The following ADAM18 variants were observed in gnomAD, a reference collection of about 807,000 sequenced individuals.
ADAM18 encodes disintegrin and metalloproteinase domain-containing protein 18.
A neutral mutation model predicts 94.4 loss-of-function variants in ADAM18; 117 were observed. The observed-to-expected ratio is 1.24, with a 90% CI of 1.07 to 1.45. The LOEUF (loss-of-function observed/expected upper bound fraction) is 1.45, where lower values mean the gene tolerates loss of function less well. ADAM18 is among the 40% of genes most tolerant of loss of function. ADAM18 has a pLI of 0.00. For synonymous variants in ADAM18, 327 were observed against 291.6 expected (o/e 1.12, Z -1.24); for missense variants, 936 against 880.0 (o/e 1.06, Z -0.81).
Position 39,663,812 on chromosome 8 carries a change from G to A in ADAM18, c.1248G>A (p.Lys416=), listed in dbSNP as rs1164131147. 1.2e-6 allele frequency: 2 copies of A among 1,611,754 alleles called. No homozygotes were observed. Among genetic ancestry groups the A allele is most frequent in the African/African-American group, 1.3e-5 (1 of 74,912 alleles). ...CGNKNECQFK[K]CCDYNTCKLK... ...AATTTTAGGAATGTCAATTTAAGAA[G>A]TGCTGTGATTATAACACATGTAAAC... The change falls in exon 13 of 20, where the codon AAG becomes AAA. Residue 416 remains lysine (K), a synonymous_variant. Transcript: ENST00000265707.
chr8:39,586,468 C>A (rs1228579143), intron 2 of ADAM18, among the ~76,000 whole-genome samples: 1 of 152,150 alleles, frequency 6.6e-6, no homozygotes, highest in Non-Finnish European at 1.5e-5. Flanking sequence ...TTTCTGCCAA[C>A]ACAATCCCAT....
At chr8:39,616,087 AT>A (rs1171486913) in intron 6 of ADAM18, among the ~76,000 whole-genome samples, 1 of 152,292 alleles carries the variant, frequency 6.6e-6, no homozygotes, top group Non-Finnish European at 1.5e-5. Context: ...TTTTATGCCC[AT>A]GGTTAGGAAG....
intron 16 of ADAM18, among the ~76,000 whole-genome samples, chr8:39,684,714 C>T (rs2129580665): frequency 6.6e-6 from 1 of 152,268 alleles, no homozygotes; most frequent in Non-Finnish European, 1.5e-5. Flanking sequence ...AGAGAAGAGA[C>T]CACTTCTTAT....
intron 2 of ADAM18, among the ~76,000 whole-genome samples, chr8:39,590,470 G>GATCT (rs1298315200): frequency 6.6e-6 from 1 of 152,192 alleles, no homozygotes; most frequent in Non-Finnish European, 1.5e-5. Context: ...AGCATTGGGA[G>GATCT]ATCTACCTAA....
At chr8:39,698,997 G>A (rs1821996049) in intron 17 of ADAM18, among the ~76,000 whole-genome samples, 1 of 152,018 alleles carries the variant, frequency 6.6e-6, no homozygotes, top group Non-Finnish European at 1.5e-5. Context: ...GATAATGGCT[G>A]TATGATCTAG....
chr8:39,710,246 T>C (rs1822358047), intron 18 of ADAM18, among the ~76,000 whole-genome samples: 2 of 152,236 alleles, frequency 1.3e-5, no homozygotes, highest in Admixed American at 6.5e-5. Context: ...AGAATAATTC[T>C]AGAAAATTGT....
intron 14 of ADAM18, 109 bp downstream of exon 14, chr8:39,668,305 AT>A (rs1428915377): frequency 1.9e-6 from 2 of 1,078,974 alleles, no homozygotes; most frequent in African/African-American, 3.2e-5. Flanking sequence ...CACAAGATTA[AT>A]AAAAATTAAA....
intron 17 of ADAM18, 62 bp from the exon 18 acceptor site, chr8:39,706,728 G>T (rs1388839033): frequency 6.3e-6 from 5 of 788,784 alleles, no homozygotes; most frequent in African/African-American, 3.5e-5. Flanking sequence ...CAGATACAAA[G>T]ACCTTGTATC....
chr8:39,620,295 T>C (rs554585936), intron 6 of ADAM18, among the ~76,000 whole-genome samples: 27 of 139,824 alleles, frequency 1.9e-4, no homozygotes, highest in Non-Finnish European at 2.7e-4. Flanking sequence ...CGAAACACTA[T>C]ATGACATAGG....
chr8:39,638,357 TA>T, intron 9 of ADAM18, 107 bp from the exon 10 acceptor site: 1 of 624,048 alleles, frequency 1.6e-6, no homozygotes, highest in Non-Finnish European at 2.7e-6. Context: ...AAGCTTTATA[TA>T]TTTGCAAAGT....
At chr8:39,601,750 C>G (rs771947963) in intron 2 of ADAM18, among the ~76,000 whole-genome samples, 1 of 152,172 alleles carries the variant, frequency 6.6e-6, no homozygotes, top group Non-Finnish European at 1.5e-5. Flanking sequence ...ATTAAATTCA[C>G]ACTGTTATGC....
In ADAM18 at chr8:39,638,538, AT is replaced by A; in HGVS notation, c.903del (p.Ile301MetfsTer8). 1 of 1,561,630 alleles carries A rather than the reference AT, an allele frequency of 6.4e-7. No homozygotes were observed. Among genetic ancestry groups the A allele is most frequent in the Non-Finnish European group, 8.7e-7 (1 of 1,151,304 alleles). On this transcript the variant is annotated frameshift_variant, in exon 10 of 20. Transcript: ENST00000265707. LOFTEE classifies it high-confidence loss of function. Reference sequence around the variant, plus strand: ...ATGCAATAAAAGCTATGATGCAGGTATTGCTATGGTATGTAATTTTTATTCT... The same window carrying A: ...ATGCAATAAAAGCTATGATGCAGGTATGCTATGGTATGTAATTTTTATTCT... ...TVCNKSYDAG[I>X]AMYPDAIGLE...
chr8:39,602,089 C>T (rs1818924056), intron 2 of ADAM18, among the ~76,000 whole-genome samples: 1 of 152,058 alleles, frequency 6.6e-6, no homozygotes. Flanking sequence ...GGGTTGCTTC[C>T]ACCTCTTGGC....
chr8:39,694,344 T>A (rs903690273), intron 17 of ADAM18, among the ~76,000 whole-genome samples: 1 of 151,498 alleles, frequency 6.6e-6, no homozygotes, highest in African/African-American at 2.4e-5. Context: ...CTTTACTCTA[T>A]GATTTTCCCC....
chr8:39,699,161 G>C (rs1260222951), intron 17 of ADAM18, among the ~76,000 whole-genome samples: 1 of 151,970 alleles, frequency 6.6e-6, no homozygotes, highest in Non-Finnish European at 1.5e-5. Flanking sequence ...TTGAAAAGAG[G>C]ACAATCATTA....
intron 13 of ADAM18, among the ~76,000 whole-genome samples, chr8:39,665,803 C>T (rs147507157): frequency 6.6e-6 from 1 of 152,008 alleles, no homozygotes; most frequent in East Asian, 1.9e-4. Flanking sequence ...TATAATAGAA[C>T]ATGATCATAT....
intron 10 of ADAM18, 55 bp from the exon 11 acceptor site, chr8:39,645,283 T>A: frequency 6.9e-7 from 1 of 1,447,904 alleles, no homozygotes; most frequent in Middle Eastern, 2.0e-4. Context: ...ATATTTCAAG[T>A]TATTACTTTT....
rs747811043 is a variant in ADAM18, at chr8:39,637,329, C to T, written c.654C>T (p.Val218=). ...TQKIVQVIGL[V]NTMFTQFKLT... ...AAATTGTCCAGGTTATTGGGCTTGT[C>T]AACACTGTAAGTTTTTACTTTTTCA... The change falls in exon 8 of 20, where the codon GTC becomes GTT. Residue 218 remains valine (V), a synonymous_variant. Transcript: ENST00000265707. The T allele has an allele frequency of 4.4e-6, 7 of 1,602,256 alleles. No individual in the cohort carries two copies. The East Asian group carries it at 1.6e-4, about 36-fold the overall frequency.
At chr8:39,634,104 C>T (rs1350786469) in intron 7 of ADAM18, among the ~76,000 whole-genome samples, 1 of 152,116 alleles carries the variant, frequency 6.6e-6, no homozygotes, top group African/African-American at 2.4e-5. Context: ...CACACCAGGG[C>T]CACCTCAGGT....
Sources: allele counts gnomAD v4.1 joint callset (sites outside exome capture counted in the v4.1 genomes callset), GRCh38; gene constraint gnomAD v4.1.1; transcripts MANE v1.5; gene names NCBI Gene and HGNC (gene_info 2026-07-23, HGNC 2026-07-21).